CCDC169: variants seen among roughly 807,000 people sequenced by gnomAD.
CCDC169 encodes the protein coiled-coil domain-containing protein 169.
CCDC169 carries 30 observed loss-of-function variants against 36.0 expected under a neutral mutation model. The observed-to-expected ratio is 0.83, with a 90% CI of 0.62 to 1.13. The LOEUF (loss-of-function observed/expected upper bound fraction) is 1.13. Among genes scored for constraint, CCDC169 ranks in the 50% most tolerant of loss-of-function variants. The probability of loss-of-function intolerance (pLI) is 0.00; values close to 1 mark genes in which losing one functional copy is unlikely to be tolerated. For missense variants in CCDC169, 245 were observed against 245.9 expected (o/e 1.00, Z 0.03); for synonymous variants, 85 against 81.5 (o/e 1.04, Z -0.23).
At chr13:36,238,606 C>G (rs975023036) in intron 7 of CCDC169, among the ~76,000 whole-genome samples, 1 of 152,032 alleles carries the variant, frequency 6.6e-6, no homozygotes, top group Non-Finnish European at 1.5e-5. Context: ...ATTAATATAG[C>G]TCATTATAGA....
At chr13:36,270,402 C>T (rs1359452039) in intron 4 of CCDC169, among the ~76,000 whole-genome samples, 1 of 151,808 alleles carries the variant, frequency 6.6e-6, no homozygotes, top group Non-Finnish European at 1.5e-5. Flanking sequence ...TCATTTTTCA[C>T]GGAATTAGAA....
chr13:36,290,145 G>A (rs1003093364), intron 2 of CCDC169, among the ~76,000 whole-genome samples: 1 of 152,084 alleles, frequency 6.6e-6, no homozygotes, highest in Non-Finnish European at 1.5e-5. Flanking sequence ...GTATCTGACA[G>A]CAAATCTAAG....
chr13:36,241,599 T>C (rs1470260157), intron 7 of CCDC169, among the ~76,000 whole-genome samples: 1 of 152,220 alleles, frequency 6.6e-6, no homozygotes, highest in Non-Finnish European at 1.5e-5. Context: ...TTTTCATATA[T>C]GTATATATAA....
intron 2 of CCDC169, among the ~76,000 whole-genome samples, chr13:36,285,618 G>GATAGATAGATAGATAGATAGATACATAC (rs751327575): frequency 4.5e-5 from 6 of 133,502 alleles, no homozygotes; most frequent in South Asian, 2.3e-4. Flanking sequence ...TAGATAGATA[G>GATAGATAGATAGATAGATAGATACATAC]ATACATAGAT....
chr13:36,264,832 C>T (rs1196338978), intron 4 of CCDC169, among the ~76,000 whole-genome samples: 3 of 152,174 alleles, frequency 2.0e-5, no homozygotes, highest in Non-Finnish European at 4.4e-5. Context: ...AAATTACAAA[C>T]CCAGACCCTG....
At chr13:36,265,760 T>TA (rs1875215570) in intron 4 of CCDC169, among the ~76,000 whole-genome samples, 2 of 152,226 alleles carry the variant, frequency 1.3e-5, no homozygotes, top group South Asian at 2.1e-4. Flanking sequence ...TAGAGACCCA[T>TA]AAGGGGGTAA....
At chr13:36,281,741 A>G (rs2138605200) in intron 4 of CCDC169, among the ~76,000 whole-genome samples, 1 of 152,258 alleles carries the variant, frequency 6.6e-6, no homozygotes, top group East Asian at 1.9e-4. Context: ...ATGAGCCTGT[A>G]GTCCCAGCTA....
chr13:36,237,069 GTATTAT>G (rs144792651), intron 7 of CCDC169, among the ~76,000 whole-genome samples: 61,132 of 150,902 alleles, frequency 0.41, 13,104 homozygotes, highest in Non-Finnish European at 0.48. Context: ...TATTATTATT[GTATTAT>G]TATTATTATT....
chr13:36,250,610 C>T (rs770540326), intron 6 of CCDC169, among the ~76,000 whole-genome samples: 2 of 152,100 alleles, frequency 1.3e-5, no homozygotes, highest in East Asian at 1.9e-4. Flanking sequence ...TCCAAAAAGG[C>T]AGCTGAAATA....
intron 7 of CCDC169, among the ~76,000 whole-genome samples, chr13:36,233,037 G>A (rs192163359): frequency 6.6e-6 from 1 of 152,294 alleles, no homozygotes; most frequent in East Asian, 1.9e-4. Flanking sequence ...GCCTCTGGCT[G>A]ACCTTGAGGC....
downstream of CCDC169, chr13:36,227,503 T>A (rs56017034): frequency 9.3e-7 from 1 of 1,075,974 alleles, no homozygotes; most frequent in Non-Finnish European, 1.2e-6. Context: ...TACACAAAAA[T>A]AAATAAATAA....
chr13:36,272,127 AAAT>A (rs1876170240), intron 4 of CCDC169, among the ~76,000 whole-genome samples: 1 of 150,860 alleles, frequency 6.6e-6, no homozygotes, highest in South Asian at 2.1e-4. Context: ...AAATAAAATA[AAAT>A]AAAACTACAC....
At chr13:36,262,193 A>G (rs1446383485) in intron 4 of CCDC169, among the ~76,000 whole-genome samples, 1 of 152,172 alleles carries the variant, frequency 6.6e-6, no homozygotes, top group Non-Finnish European at 1.5e-5. Flanking sequence ...TTCAGCACAT[A>G]GTGTTCAGAT....
intron 4 of CCDC169, chr13:36,283,006 C>T (rs1490964024): frequency 6.3e-6 from 1 of 159,014 alleles, no homozygotes; most frequent in Non-Finnish European, 1.4e-5. Context: ...TAACATAGCC[C>T]TAGCAACTAT....
intron 4 of CCDC169, among the ~76,000 whole-genome samples, chr13:36,272,017 G>A (rs1388053619): frequency 6.6e-6 from 1 of 151,048 alleles, no homozygotes; most frequent in East Asian, 1.9e-4. Context: ...CTCAGGAGGC[G>A]GAGGTTGCAG....
chr13:36,231,512 G>C (rs77503076), intron 7 of CCDC169, among the ~76,000 whole-genome samples: 2,641 of 152,256 alleles, frequency 0.017, 35 homozygotes, highest in Non-Finnish European at 0.028. Context: ...ACAGCTTAAG[G>C]GCAGGTAATT....
chr13:36,285,745 A>G (rs189700484), intron 2 of CCDC169, among the ~76,000 whole-genome samples: 290 of 152,306 alleles, frequency 1.9e-3, no homozygotes, highest in Non-Finnish European at 2.4e-3. Context: ...AAGGTCTGGC[A>G]TAAAGTGGCT....
downstream of CCDC169, chr13:36,227,366 T>C: frequency 6.5e-7 from 1 of 1,545,914 alleles, no homozygotes; most frequent in Non-Finnish European, 8.7e-7. Context: ...GGTCCAATTC[T>C]TCTTTTAAGA....
At chr13:36,281,004 T>G (rs1877453804) in intron 4 of CCDC169, 1 of 233,454 alleles carries the variant, frequency 4.3e-6, no homozygotes, top group Non-Finnish European at 8.5e-6. Flanking sequence ...CAAGGGGAAT[T>G]ACTGGGTGCA....
Sources: gnomAD v4.1 joint callset for allele counts (sites outside exome capture counted in the v4.1 genomes callset) on GRCh38, gnomAD v4.1.1 for gene constraint, MANE v1.5 for transcripts, NCBI Gene and HGNC (gene_info 2026-07-23, HGNC 2026-07-21) for gene names.